The following NCAM1 variants were observed in gnomAD, a reference collection of about 807,000 sequenced individuals.
NCAM1 encodes the protein antigen recognized by monoclonal antibody 5.1H11.
A neutral mutation model predicts 109.8 loss-of-function variants in NCAM1; 14 were observed. The ratio of observed to expected loss-of-function variants is 0.13; its 90% CI spans 0.08 to 0.20. The LOEUF (loss-of-function observed/expected upper bound fraction) is 0.20, where lower values mean the gene tolerates loss of function less well. Among genes scored for constraint, NCAM1 ranks in the 10% least tolerant of loss-of-function variants. The pLI, the probability that NCAM1 is intolerant of heterozygous loss-of-function variation, is 1.00. For missense variants in NCAM1, 774 were observed against 1,109.9 expected, an observed-to-expected ratio of 0.70 and a Z score of 4.30; for synonymous variants, 418 against 442.9, an observed-to-expected ratio of 0.94 and a Z score of 0.70.
At chr11:112,972,416 A>G (rs7110863) in intron 1 of NCAM1, among the ~76,000 whole-genome samples, 72,419 of 151,970 alleles carry the variant, frequency 0.48, 18,051 homozygotes, top group East Asian at 0.8. Flanking sequence ...CCTATAATTC[A>G]GAAGGTAATA....
intron 1 of NCAM1, among the ~76,000 whole-genome samples, chr11:113,182,511 C>T (rs149695309): frequency 1.1e-4 from 17 of 152,340 alleles, no homozygotes; most frequent in Middle Eastern, 3.4e-3. Flanking sequence ...GTGCCTCCCA[C>T]GTACTAGGCA....
intron 18 of NCAM1, 128 bp downstream of exon 18, chr11:113,270,523 T>C (rs1946243556): frequency 1.2e-6 from 1 of 840,696 alleles, no homozygotes. Flanking sequence ...TTTGGAACCC[T>C]GATGGGGGAA....
At chr11:113,226,532 G>T (rs1555116252) in intron 9 of NCAM1, among the ~76,000 whole-genome samples, 1 of 152,154 alleles carries the variant, frequency 6.6e-6, no homozygotes, top group African/African-American at 2.4e-5. Context: ...AAGACAGAAA[G>T]TTAACAAAGA....
chr11:113,224,911 T>C (rs1944795232), intron 9 of NCAM1, among the ~76,000 whole-genome samples: 1 of 152,000 alleles, frequency 6.6e-6, no homozygotes, highest in Non-Finnish European at 1.5e-5. Context: ...AGAAAGAACA[T>C]CCACACCAAA....
intron 8 of NCAM1, among the ~76,000 whole-genome samples, chr11:113,218,486 G>A (rs1426047065): frequency 2.6e-5 from 4 of 152,162 alleles, no homozygotes; most frequent in Non-Finnish European, 5.9e-5. Flanking sequence ...CTTAAGGGAA[G>A]AGGTGGAAAA....
Position 113,235,219 on chromosome 11 carries a change from C to T in NCAM1, c.1825+55C>T, listed in dbSNP as rs1591444604. 3.1e-6 allele frequency: 5 copies of T among 1,612,960 alleles called. No homozygotes were observed. The African/African-American group carries it at 4.0e-5, about 13-fold the overall frequency. On this transcript the variant is annotated intron_variant, in intron 14 of 19. Coordinates refer to ENST00000316851, the MANE Select transcript of NCAM1 (RefSeq NM_181351.5). ...CAGCCCACCTTCTTCTCCCTGGGGG[C>T]AGTGGGGAACCCTGAGCTGGCCCAT...
At chr11:113,024,931 T>C (rs1165977033) in intron 1 of NCAM1, among the ~76,000 whole-genome samples, 1 of 152,262 alleles carries the variant, frequency 6.6e-6, no homozygotes, top group East Asian at 1.9e-4. Context: ...TGTAGTCTTC[T>C]GAACCATCTG....
intron 9 of NCAM1, among the ~76,000 whole-genome samples, chr11:113,227,632 A>C (rs1591437666): frequency 1.3e-5 from 2 of 152,244 alleles, no homozygotes; most frequent in South Asian, 4.1e-4. Flanking sequence ...ACAACAGAAA[A>C]AGAGAATTTT....
intron 1 of NCAM1, among the ~76,000 whole-genome samples, chr11:113,151,788 C>T (rs781877210): frequency 3.1e-4 from 47 of 152,236 alleles, no homozygotes; most frequent in Non-Finnish European, 5.9e-4. Context: ...TGTTACTCAT[C>T]GGTTATAGTG....
intron 1 of NCAM1, among the ~76,000 whole-genome samples, chr11:113,019,956 A>G (rs1479518599): frequency 6.6e-6 from 1 of 152,182 alleles, no homozygotes. Flanking sequence ...CTGAAATTGT[A>G]TAATAACATA....
At chr11:113,119,969 T>C (rs1325734289) in intron 1 of NCAM1, among the ~76,000 whole-genome samples, 2 of 152,228 alleles carry the variant, frequency 1.3e-5, no homozygotes, top group Non-Finnish European at 2.9e-5. Context: ...AAAGTGGCTT[T>C]GCTACTTAAA....
At chr11:113,049,343 A>G (rs562662756) in intron 1 of NCAM1, among the ~76,000 whole-genome samples, 1 of 152,220 alleles carries the variant, frequency 6.6e-6, no homozygotes, top group African/African-American at 2.4e-5. Context: ...ATCTTAGGTA[A>G]TTTCTTCTCT....
At chr11:113,227,226 G>A (rs1314819247) in intron 9 of NCAM1, among the ~76,000 whole-genome samples, 1 of 151,048 alleles carries the variant, frequency 6.6e-6, no homozygotes, top group African/African-American at 2.5e-5. Context: ...TCAAATAGAT[G>A]CAATAAAAAA....
chr11:113,027,929 G>A (rs1952599662), intron 1 of NCAM1, among the ~76,000 whole-genome samples: 1 of 152,136 alleles, frequency 6.6e-6, no homozygotes, highest in African/African-American at 2.4e-5. Context: ...AATGTTATAT[G>A]AAACCAGCCA....
intron 1 of NCAM1, among the ~76,000 whole-genome samples, chr11:113,190,490 T>C (rs11214535): frequency 0.54 from 81,608 of 151,940 alleles, 24,126 homozygotes; most frequent in South Asian, 0.7. Context: ...TGCTGCCCCT[T>C]CTCCTCTCCC....
chr11:113,220,179 C>T (rs1198668693), intron 8 of NCAM1, among the ~76,000 whole-genome samples: 3 of 152,088 alleles, frequency 2.0e-5, no homozygotes, highest in African/African-American at 7.2e-5. Context: ...AATAGATTCC[C>T]AAGTGCTGGA....
At chr11:113,254,824 A>G (rs1555122020) in intron 15 of NCAM1, among the ~76,000 whole-genome samples, 1 of 152,194 alleles carries the variant, frequency 6.6e-6, no homozygotes, top group Admixed American at 6.5e-5. Flanking sequence ...AGATGCAGAG[A>G]TAGCTCCTCA....
chr11:113,153,506 A>G (rs1383087848), intron 1 of NCAM1, among the ~76,000 whole-genome samples: 1 of 151,830 alleles, frequency 6.6e-6, no homozygotes, highest in Non-Finnish European at 1.5e-5. Flanking sequence ...GGCAAACGTG[A>G]TGGATAAGAT....
At chr11:113,176,921 T>C (rs1943166268) in intron 1 of NCAM1, among the ~76,000 whole-genome samples, 2 of 152,200 alleles carry the variant, frequency 1.3e-5, no homozygotes. Context: ...GCATCCTTTA[T>C]GAAAAATTAA....
Sources: allele counts gnomAD v4.1 joint callset (sites outside exome capture counted in the v4.1 genomes callset), GRCh38; gene constraint gnomAD v4.1.1; transcripts MANE v1.5; gene names NCBI Gene and HGNC (gene_info 2026-07-23, HGNC 2026-07-21).